Variants in OSBPL6 observed in about 807,000 individuals in gnomAD.
The protein encoded by OSBPL6 is oxysterol-binding protein-related protein 6.
Under a neutral mutation model 125.8 loss-of-function variants are expected in OSBPL6, and 49 were observed. The observed-to-expected ratio is 0.39, with a 90% CI of 0.31 to 0.49. The LOEUF is 0.49. Among genes scored for constraint, OSBPL6 ranks in the 20% least tolerant of loss-of-function variants. The probability of loss-of-function intolerance (pLI) is 0.88; values close to 1 mark genes in which losing one functional copy is unlikely to be tolerated. For synonymous variants in OSBPL6, 394 were observed against 391.8 expected, an observed-to-expected ratio of 1.01 and a Z score of -0.07; for missense variants, 986 against 1,135.4, an observed-to-expected ratio of 0.87 and a Z score of 1.89.
chr2:178,213,294 C>T (rs977604981), intron 1 of OSBPL6, among the ~76,000 whole-genome samples: 1 of 151,994 alleles, frequency 6.6e-6, no homozygotes, highest in Non-Finnish European at 1.5e-5. Flanking sequence ...GGCCAGGTCC[C>T]TTCTGAATTC....
chr2:178,351,195 G>T (rs1287457495), intron 12 of OSBPL6, among the ~76,000 whole-genome samples: 1 of 152,008 alleles, frequency 6.6e-6, no homozygotes, highest in Non-Finnish European at 1.5e-5. Context: ...AGGCAAGGTG[G>T]CCCACTCCTC....
At chr2:178,291,702 C>CTTCCTTCT (rs1256825290) in intron 2 of OSBPL6, among the ~76,000 whole-genome samples, 2 of 149,242 alleles carry the variant, frequency 1.3e-5, no homozygotes, top group Admixed American at 6.7e-5. Flanking sequence ...TCCTTCCTTC[C>CTTCCTTCT]TTCTTTCCTC....
chr2:178,383,298 C>T (rs771306371), intron 17 of OSBPL6, 21 bp downstream of exon 17: 2 of 1,608,026 alleles, frequency 1.2e-6, no homozygotes, highest in African/African-American at 2.7e-5. Flanking sequence ...ACTAACAGAG[C>T]AGCGCCCCTC....
At chr2:178,315,721 C>G (rs1687673550) in intron 3 of OSBPL6, among the ~76,000 whole-genome samples, 1 of 152,154 alleles carries the variant, frequency 6.6e-6, no homozygotes, top group African/African-American at 2.4e-5. Flanking sequence ...CTGTTCGGTT[C>G]TCAGGCATCA....
rs1018552340 is a variant in OSBPL6, at chr2:178,372,187, T to C, written c.1349T>C (p.Ile450Thr). The C allele has an allele frequency of 2.5e-6, 4 of 1,613,240 alleles. No homozygotes were observed. The highest frequency in any genetic ancestry group is 1.6e-4 in the Middle Eastern group (1 of 6,078). The stretch of plus-strand genomic sequence containing the variant: ...AACAGAATACATTCAGAGTCTATTA[T>C]TTGTGATCAGGTTGTCAGTGTAAAT... ...RLNRIHSESIICDQVVSVNII... is the reference protein window; with the variant it reads ...RLNRIHSESITCDQVVSVNII... The change falls in exon 14 of 25, where the codon ATT becomes ACT. Residue 450 changes from isoleucine to threonine, a missense_variant. Transcript: ENST00000190611.
chr2:178,306,606 G>A (rs960185256), intron 3 of OSBPL6, among the ~76,000 whole-genome samples: 2 of 152,178 alleles, frequency 1.3e-5, no homozygotes, highest in African/African-American at 2.4e-5. Flanking sequence ...GTTCATGGAG[G>A]TGGAAAGGGA....
intron 9 of OSBPL6, 43 bp from the exon 10 acceptor site, chr2:178,338,948 C>G (rs370212199): frequency 1.4e-6 from 2 of 1,437,186 alleles, no homozygotes; most frequent in Admixed American, 1.7e-5. Context: ...CCCACCGCTC[C>G]CTACCCAATT....
chr2:178,269,909 C>T (rs1293798633), intron 1 of OSBPL6, among the ~76,000 whole-genome samples: 1 of 152,224 alleles, frequency 6.6e-6, no homozygotes, highest in African/African-American at 2.4e-5. Context: ...TATCACTTGC[C>T]AGGTTCATGT....
intron 2 of OSBPL6, among the ~76,000 whole-genome samples, chr2:178,298,689 T>C (rs1369207562): frequency 6.6e-6 from 1 of 150,878 alleles, no homozygotes; most frequent in African/African-American, 2.5e-5. Flanking sequence ...AGCCTATTTT[T>C]AGTTGCTTTT....
chr2:178,252,367 C>G (rs186966780), intron 1 of OSBPL6, among the ~76,000 whole-genome samples: 5 of 151,978 alleles, frequency 3.3e-5, no homozygotes, highest in African/African-American at 1.2e-4. Context: ...TCAAAAGCAG[C>G]GGTAGACAAA....
intron 11 of OSBPL6, chr2:178,344,497 A>G (rs1574925812): frequency 1.3e-6 from 1 of 762,888 alleles, no homozygotes; most frequent in Non-Finnish European, 2.1e-6. Context: ...TAGCTTTCAC[A>G]TGTTCTCTGG....
rs765772534 is a variant in OSBPL6, at chr2:178,382,820, A to T, written c.1622-204A>T. Reference sequence around the variant, plus strand: ...CTTGAATGATATTTGAGTGTATCTAATGCCTTATTTATAAAACTATACACT... The same window carrying T: ...CTTGAATGATATTTGAGTGTATCTATTGCCTTATTTATAAAACTATACACT... On this transcript the variant is annotated intron_variant, in intron 16 of 24. Transcript: ENST00000190611. 1.0e-4 allele frequency: 141 copies of T among 1,397,280 alleles called. 1 individual carries two copies. In the South Asian group the frequency reaches 2.1e-3, roughly 20 times the overall value. 86.6% of individuals were successfully genotyped at this position (1,397,280 alleles called of 1,614,324 possible).
At chr2:178,322,250 G>A (rs1407945377) in intron 3 of OSBPL6, among the ~76,000 whole-genome samples, 1 of 152,112 alleles carries the variant, frequency 6.6e-6, no homozygotes, top group Non-Finnish European at 1.5e-5. Context: ...TTTTGGAGGT[G>A]GGGGAAACAG....
At chr2:178,347,540 T>A (rs1330070195) in intron 11 of OSBPL6, among the ~76,000 whole-genome samples, 1 of 152,214 alleles carries the variant, frequency 6.6e-6, no homozygotes, top group Admixed American at 6.5e-5. Flanking sequence ...AGTTAGGGTC[T>A]GAACTTCCTT....
chr2:178,291,890 G>A (rs770662251), intron 2 of OSBPL6, among the ~76,000 whole-genome samples: 23 of 151,796 alleles, frequency 1.5e-4, no homozygotes, highest in Non-Finnish European at 2.9e-4. Flanking sequence ...TCAGAGGTAG[G>A]CAATGGAAGG....
chr2:178,361,759 G>C lies in OSBPL6; in HGVS notation c.1231G>C (p.Asp411His), dbSNP rs1285073798. The C allele has an allele frequency of 6.2e-7, 1 of 1,614,140 alleles. No homozygotes were observed. The highest frequency in any genetic ancestry group is 2.2e-5 in the East Asian group (1 of 44,880). The change falls in exon 13 of 25, where the codon GAT becomes CAT. Residue 411 changes from aspartate to histidine, a missense_variant. Asp to His is a moderately conservative substitution (Grantham distance 81). Transcript: ENST00000190611. ...GCTGAAGCAGATGGTTTCCGAGCAG[G>C]ATCACAGTAAAGGCCACAGCACGCA... ...EKLKQMVSEQ[D>H]HSKGHSTQMA...
chr2:178,300,872 A>C (rs1433365196), intron 2 of OSBPL6, among the ~76,000 whole-genome samples: 1 of 152,214 alleles, frequency 6.6e-6, no homozygotes, highest in Non-Finnish European at 1.5e-5. Context: ...AATTATTGTC[A>C]AATATAAAAG....
intron 4 of OSBPL6, 65 bp from the exon 5 acceptor site, chr2:178,328,191 A>G: frequency 6.3e-7 from 1 of 1,596,344 alleles, no homozygotes; most frequent in East Asian, 2.2e-5. Context: ...CTACTTAAGA[A>G]TCTGCTTTAA....
chr2:178,327,173 A>C (rs1386973386), intron 4 of OSBPL6, among the ~76,000 whole-genome samples: 1 of 152,164 alleles, frequency 6.6e-6, no homozygotes, highest in Non-Finnish European at 1.5e-5. Context: ...AAAAAATAAA[A>C]AATTGGAAAA....
Sources: allele counts gnomAD v4.1 joint callset (sites outside exome capture counted in the v4.1 genomes callset), GRCh38; gene constraint gnomAD v4.1.1; transcripts MANE v1.5; gene names NCBI Gene and HGNC (gene_info 2026-07-23, HGNC 2026-07-21).